The following CSMD1 variants were observed in gnomAD, a reference collection of about 807,000 sequenced individuals.
The protein encoded by CSMD1 is CUB and sushi domain-containing protein 1.
In CSMD1, 213 loss-of-function variants were observed where a neutral mutation model predicts 417.5. The observed-to-expected ratio is 0.51, with a 90% CI of 0.46 to 0.57. The LOEUF (loss-of-function observed/expected upper bound fraction) is 0.57, where lower values mean the gene tolerates loss of function less well. CSMD1 is among the 20% of genes least tolerant of loss of function. CSMD1 has a pLI of 0.00. For synonymous variants in CSMD1, 2,862 were observed against 1,736.8 expected, an observed-to-expected ratio of 1.65 and a Z score of -16.11; for missense variants, 6,923 against 4,529.7, an observed-to-expected ratio of 1.53 and a Z score of -15.17.
At chr8:4,447,661 G>C (rs560938386) in intron 2 of CSMD1, among the ~76,000 whole-genome samples, 6 of 152,264 alleles carry the variant, frequency 3.9e-5, no homozygotes, top group Non-Finnish European at 8.8e-5. Context: ...GGAAGGAATG[G>C]TTTCCACACT....
chr8:4,203,086 T>G (rs933655764), intron 3 of CSMD1, among the ~76,000 whole-genome samples: 2 of 152,208 alleles, frequency 1.3e-5, no homozygotes, highest in Non-Finnish European at 2.9e-5. Context: ...TGAGATGACT[T>G]GCAGTTATCT....
At chr8:4,449,369 G>T (rs765193242) in intron 2 of CSMD1, among the ~76,000 whole-genome samples, 12 of 152,120 alleles carry the variant, frequency 7.9e-5, no homozygotes, top group Non-Finnish European at 1.5e-4. Flanking sequence ...TTTCCAGAAT[G>T]ATTCTGGTGT....
chr8:4,427,058 A>T (rs1286422668), intron 2 of CSMD1, among the ~76,000 whole-genome samples: 1 of 152,060 alleles, frequency 6.6e-6, no homozygotes, highest in South Asian at 2.1e-4. Flanking sequence ...ACAGCCCCAG[A>T]GAGCTTGGGA....
chr8:4,856,185 A>G (rs1801789061), intron 1 of CSMD1, among the ~76,000 whole-genome samples: 1 of 121,440 alleles, frequency 8.2e-6, no homozygotes, highest in Non-Finnish European at 1.8e-5. Context: ...GTGAAGGAGA[A>G]ATAAAATCCT....
chr8:3,748,983 G>T (rs1176754336), intron 6 of CSMD1, among the ~76,000 whole-genome samples: 1 of 152,168 alleles, frequency 6.6e-6, no homozygotes, highest in African/African-American at 2.4e-5. Flanking sequence ...GAAAATCAAT[G>T]GGAATTTCAT....
At chr8:3,228,505 C>T (rs1174237515) in intron 27 of CSMD1, among the ~76,000 whole-genome samples, 2 of 152,162 alleles carry the variant, frequency 1.3e-5, no homozygotes, top group Non-Finnish European at 2.9e-5. Context: ...CAAGTGATTT[C>T]AGCTTGTCCT....
At chr8:3,720,731 G>T (rs12550836) in intron 6 of CSMD1, among the ~76,000 whole-genome samples, 26,292 of 151,984 alleles carry the variant, frequency 0.17, 2,760 homozygotes, top group Non-Finnish European at 0.24. Context: ...TAAGCCCTGG[G>T]AGATTCATTT....
chr8:3,541,707 T>G (rs1798445157), intron 10 of CSMD1, among the ~76,000 whole-genome samples: 1 of 149,214 alleles, frequency 6.7e-6, no homozygotes, highest in Admixed American at 6.7e-5. Flanking sequence ...AAAATTCATT[T>G]TTCTTTATCA....
intron 3 of CSMD1, among the ~76,000 whole-genome samples, chr8:4,215,420 A>G (rs189603060): frequency 1.3e-4 from 20 of 152,304 alleles, no homozygotes; most frequent in Admixed American, 5.9e-4. Flanking sequence ...TGTCTGAATC[A>G]TTAGTAACAC....
chr8:4,923,863 C>G (rs1806667693), intron 1 of CSMD1, among the ~76,000 whole-genome samples: 1 of 152,150 alleles, frequency 6.6e-6, no homozygotes, highest in Non-Finnish European at 1.5e-5. Context: ...AACTGGCCCA[C>G]AAACTATAGG....
intron 17 of CSMD1, among the ~76,000 whole-genome samples, chr8:3,392,159 T>C (rs1006504858): frequency 3.3e-5 from 5 of 150,562 alleles, no homozygotes; most frequent in African/African-American, 1.2e-4. Context: ...TAATGTTAAA[T>C]GATGAGTTAA....
At chr8:2,952,463 T>G (rs1459738202) in intron 65 of CSMD1, among the ~76,000 whole-genome samples, 1 of 152,146 alleles carries the variant, frequency 6.6e-6, no homozygotes, top group Non-Finnish European at 1.5e-5. Flanking sequence ...ATAGCTTCCT[T>G]TGGCCTTTTG....
At chr8:4,007,600 C>A (rs1228418845) in intron 4 of CSMD1, among the ~76,000 whole-genome samples, 1 of 152,208 alleles carries the variant, frequency 6.6e-6, no homozygotes, top group Non-Finnish European at 1.5e-5. Context: ...CAATGGAATG[C>A]AAGCTTTATG....
chr8:4,410,192 C>G (rs1454935529), intron 3 of CSMD1, among the ~76,000 whole-genome samples: 1 of 152,262 alleles, frequency 6.6e-6, no homozygotes, highest in East Asian at 1.9e-4. Flanking sequence ...TTTTCTATAC[C>G]AGATACTGAA....
intron 3 of CSMD1, among the ~76,000 whole-genome samples, chr8:4,233,347 AC>A (rs1316960486): frequency 1.3e-5 from 2 of 152,210 alleles, no homozygotes; most frequent in Non-Finnish European, 2.9e-5. Flanking sequence ...TATTAAAAGT[AC>A]CTACATTAGT....
At chr8:3,916,440 T>C (rs1471531417) in intron 5 of CSMD1, among the ~76,000 whole-genome samples, 2 of 152,186 alleles carry the variant, frequency 1.3e-5, no homozygotes, top group African/African-American at 4.8e-5. Flanking sequence ...AAAACACTTA[T>C]ATGAACCATG....
At chr8:3,689,492 A>G (rs1800121517) in intron 7 of CSMD1, among the ~76,000 whole-genome samples, 1 of 152,310 alleles carries the variant, frequency 6.6e-6, no homozygotes, top group East Asian at 1.9e-4. Context: ...TAGTGTTTTT[A>G]TTCTCACTCT....
chr8:3,491,019 T>C (rs986639315), intron 11 of CSMD1, among the ~76,000 whole-genome samples: 5 of 152,190 alleles, frequency 3.3e-5, no homozygotes, highest in African/African-American at 1.2e-4. Flanking sequence ...TAAATGAAGA[T>C]GCCTCTTCAT....
chr8:3,670,395 C>T (rs35748920), intron 7 of CSMD1, among the ~76,000 whole-genome samples: 1 of 150,892 alleles, frequency 6.6e-6, no homozygotes, highest in Non-Finnish European at 1.5e-5. Flanking sequence ...GGCCTATTGT[C>T]GGACCTTGTG....
Sources: gnomAD v4.1 joint callset for allele counts (sites outside exome capture counted in the v4.1 genomes callset) on GRCh38, gnomAD v4.1.1 for gene constraint, MANE v1.5 for transcripts, NCBI Gene and HGNC (gene_info 2026-07-23, HGNC 2026-07-21) for gene names.